Variants in PHACTR2 observed in about 807,000 individuals in gnomAD.
PHACTR2 encodes phosphatase and actin regulator 2, also known as chromosome 6 open reading frame 56.
A neutral mutation model predicts 76.0 loss-of-function variants in PHACTR2; 30 were observed. That is an observed-to-expected ratio of 0.39 (90% CI 0.30 to 0.54). The LOEUF is 0.54. PHACTR2 is among the 20% of genes least tolerant of loss of function. PHACTR2 has a pLI of 0.61. For synonymous variants in PHACTR2, 292 were observed against 292.5 expected (o/e 1.00, Z 0.02); for missense variants, 696 against 781.1 (o/e 0.89, Z 1.30).
chr6:143,690,409 CT>C (rs34258120), intron 1 of PHACTR2, among the ~76,000 whole-genome samples: 5 of 151,174 alleles, frequency 3.3e-5, no homozygotes, highest in African/African-American at 7.3e-5. Context: ...CCCATGCCCC[CT>C]TTTTTTTTCT....
At chr6:143,575,363 T>C (rs1775493875) in intron 1 of PHACTR2, among the ~76,000 whole-genome samples, 1 of 152,260 alleles carries the variant, frequency 6.6e-6, no homozygotes, top group African/African-American at 2.4e-5. Flanking sequence ...AAGCACCATG[T>C]CTTAATTTTC....
At chr6:143,642,340 G>C (rs1776580185) in intron 1 of PHACTR2, among the ~76,000 whole-genome samples, 1 of 152,376 alleles carries the variant, frequency 6.6e-6, no homozygotes, top group East Asian at 1.9e-4. Context: ...CCTAAAAAAT[G>C]TGATCTGTTG....
chr6:143,634,011 G>A (rs1184276631), intron 1 of PHACTR2, among the ~76,000 whole-genome samples: 1 of 152,112 alleles, frequency 6.6e-6, no homozygotes, highest in African/African-American at 2.4e-5. Context: ...CAAAATACTA[G>A]TCAGTGCAGG....
rs891581701 is a variant in PHACTR2, at chr6:143,598,448, G to A, written c.217+61241G>A. On this transcript the variant is annotated intron_variant, in intron 1 of 11. Coordinates refer to the PHACTR2 transcript ENST00000367584. The surrounding 1 kb of genome is among the most constrained non-coding windows in gnomAD (Gnocchi z 4.1). The stretch of plus-strand genomic sequence containing the variant: ...AGCCCTACAAGATAAGACTAATTTT[G>A]GATTTCTGACCCAGAACCATCAGAG... Among the ~76,000 whole-genome samples the A allele has an allele frequency of 3.9e-5, 6 of 152,108 alleles. No homozygotes were observed. Among genetic ancestry groups the A allele is most frequent in the Admixed American group, 3.9e-4 (6 of 15,268 alleles).
At position 143,592,880 on chromosome 6, in the gene PHACTR2, C is replaced by G. The variant is rs964403213; in HGVS notation, c.217+55673C>G. Among the ~76,000 whole-genome samples the G allele has an allele frequency of 6.6e-6, 1 of 151,508 alleles. No homozygotes were observed. Among genetic ancestry groups the G allele is most frequent in the African/African-American group, 2.4e-5 (1 of 41,190 alleles). ...GCTGCAAAATGGCGAAACCCTGTCT[C>G]TACAAAAAATAAAAAAAAATAGCCG... On this transcript the variant is annotated intron_variant, in intron 1 of 11. Transcript: ENST00000367584. The surrounding 1 kb of genome is among the most constrained non-coding windows in gnomAD (Gnocchi z 4.0).
rs1015857107 is a variant in PHACTR2, at chr6:143,672,912, A to T, written c.14-39104A>T. On this transcript the variant is annotated intron_variant, in intron 1 of 11. Transcript: ENST00000305766. The surrounding 1 kb of genome is among the most constrained non-coding windows in gnomAD (Gnocchi z 5.8). ...GCTAATTTTTGTATTTTTAGTAGAG[A>T]CAGGGTTTCACCATGTTGGCCAGGC... Among the ~76,000 whole-genome samples the T allele has an allele frequency of 7.2e-5, 11 of 152,142 alleles. No homozygotes were observed. Among genetic ancestry groups the T allele is most frequent in the African/African-American group, 2.7e-4 (11 of 41,506 alleles).
intron 1 of PHACTR2, among the ~76,000 whole-genome samples, chr6:143,645,184 G>T (rs908042497): frequency 2.6e-5 from 4 of 152,144 alleles, no homozygotes; most frequent in South Asian, 4.1e-4. Flanking sequence ...ATACAAAAAA[G>T]ATACTTGCAC....
rs1434527651 is a variant in PHACTR2, at chr6:143,663,898, C to T, written c.14-48118C>T. On this transcript the variant is annotated intron_variant, in intron 1 of 11. Coordinates refer to the PHACTR2 transcript ENST00000305766. This position sits in a 1 kb window ranked among gnomAD's most constrained non-coding sequence, Gnocchi z 4.1. ...ATTTTCTTGAGTACAAGTCTCTACACGTTTGTGTATTACATCAAGCTTGTC... is the reference window on the plus strand; with the variant it reads ...ATTTTCTTGAGTACAAGTCTCTACATGTTTGTGTATTACATCAAGCTTGTC... Among the ~76,000 whole-genome samples the T allele has an allele frequency of 2.6e-5, 4 of 151,952 alleles. No homozygotes were observed. Among genetic ancestry groups the T allele is most frequent in the Admixed American group, 6.6e-5 (1 of 15,238 alleles).
At chr6:143,555,638 T>G (rs1257302229) in intron 1 of PHACTR2, among the ~76,000 whole-genome samples, 1 of 152,226 alleles carries the variant, frequency 6.6e-6, no homozygotes, top group Admixed American at 6.5e-5. Context: ...TTTGCCTTCC[T>G]AAATGTCTGG....
Position 143,559,141 on chromosome 6 carries a change from G to A in PHACTR2, c.217+21934G>A, listed in dbSNP as rs115896574. ...TGGAATGAGATCAAGGCTTTCCCCTGCTATAATATATAGATGACTCTTCCA... is the reference window on the plus strand; with the variant it reads ...TGGAATGAGATCAAGGCTTTCCCCTACTATAATATATAGATGACTCTTCCA... On this transcript the variant is annotated intron_variant, in intron 1 of 11. Coordinates refer to the PHACTR2 transcript ENST00000367584. 9.4e-3 allele frequency among the ~76,000 whole-genome samples: 1,432 copies of A among 152,296 alleles called. 30 individuals carry two copies. Among genetic ancestry groups the A allele is most frequent in the African/African-American group, 0.033 (1,370 of 41,560 alleles).
chr6:143,794,720 G>A lies in PHACTR2; in HGVS notation c.1845+5810G>A, dbSNP rs1388026737. On this transcript the variant is annotated intron_variant, in intron 11 of 12. Transcript: ENST00000440869. The surrounding 1 kb of genome is among the most constrained non-coding windows in gnomAD (Gnocchi z 4.1). ...GAAGCAGGAGAATCACTTGAACCCA[G>A]GAGACAGAAGTTGCAGTGAGCTAAG... 6.6e-6 allele frequency among the ~76,000 whole-genome samples: 1 copy of A among 152,142 alleles called. No individual in the cohort carries two copies. Among genetic ancestry groups the A allele is most frequent in the Non-Finnish European group, 1.5e-5 (1 of 68,016 alleles).
At chr6:143,665,300 T>C (rs1582749390) in intron 1 of PHACTR2, among the ~76,000 whole-genome samples, 1 of 152,338 alleles carries the variant, frequency 6.6e-6, no homozygotes, top group East Asian at 1.9e-4. Flanking sequence ...GGATTTGCCT[T>C]TTCTGTCTCC....
At chr6:143,719,957 A>G (rs979494656) in intron 2 of PHACTR2, among the ~76,000 whole-genome samples, 3 of 151,644 alleles carry the variant, frequency 2.0e-5, no homozygotes, top group African/African-American at 4.8e-5. Context: ...GATTATAGGC[A>G]TGCACCACCA....
rs1054766608 is a variant in PHACTR2, at chr6:143,777,917, T to C, written c.1645+534T>C. Among the ~76,000 whole-genome samples, 12 of 152,350 alleles carry C rather than the reference T, an allele frequency of 7.9e-5. No individual in the cohort carries two copies. The highest frequency in any genetic ancestry group is 2.9e-4 in the African/African-American group (12 of 41,586). ...TTTCTCAGCACTAAAACGTTCTCCA[T>C]TCATTTTCCTACTTTATTTTCCCAT... On this transcript the variant is annotated intron_variant, in intron 9 of 12. Coordinates refer to ENST00000440869, the MANE Select transcript of PHACTR2 (RefSeq NM_001100164.2). This position sits in a 1 kb window ranked among gnomAD's most constrained non-coding sequence, Gnocchi z 4.6.
chr6:143,748,694 G>A (rs1779121616), intron 2 of PHACTR2, among the ~76,000 whole-genome samples: 1 of 152,216 alleles, frequency 6.6e-6, no homozygotes, highest in Admixed American at 6.5e-5. Flanking sequence ...GTGAGAAGCA[G>A]GCTTTATGCT....
Position 143,596,025 on chromosome 6 carries a change from A to G in PHACTR2, c.217+58818A>G, listed in dbSNP as rs1015592372. Among the ~76,000 whole-genome samples the G allele has an allele frequency of 1.3e-5, 2 of 152,226 alleles. No individual in the cohort carries two copies. Among genetic ancestry groups the G allele is most frequent in the Admixed American group, 1.3e-4 (2 of 15,278 alleles). ...GACTCTTAAAATAGTACTTTAAAGA[A>G]TAAAAGAACACTTGAGAATGATTCA... On this transcript the variant is annotated intron_variant, in intron 1 of 11. Transcript: ENST00000367584. This position sits in a 1 kb window ranked among gnomAD's most constrained non-coding sequence, Gnocchi z 4.6.
chr6:143,587,793 C>A (rs966310986), intron 1 of PHACTR2, among the ~76,000 whole-genome samples: 1 of 151,974 alleles, frequency 6.6e-6, no homozygotes, highest in Non-Finnish European at 1.5e-5. Flanking sequence ...GCGGGCGGAT[C>A]ACCTGTGGTC....
upstream of PHACTR2, among the ~76,000 whole-genome samples, chr6:143,675,213 C>T (rs905674184): frequency 6.6e-6 from 1 of 152,138 alleles, no homozygotes; most frequent in African/African-American, 2.4e-5. This position sits in a 1 kb window ranked among gnomAD's most constrained non-coding sequence, Gnocchi z 4.9. Flanking sequence ...GAATAAATCA[C>T]AGTAGTTCTT....
Position 143,765,134 on chromosome 6 carries a change from C to T in PHACTR2, c.695-127C>T. On this transcript the variant is annotated intron_variant, in intron 5 of 12. Coordinates refer to ENST00000440869, the MANE Select transcript of PHACTR2 (RefSeq NM_001100164.2). This position sits in a 1 kb window ranked among gnomAD's most constrained non-coding sequence, Gnocchi z 4.1. ...TATTATCATGATTAGCCTATTTTCT[C>T]TTATACATTTATTCAACAAACTTTA... The T allele has an allele frequency of 1.4e-6, 1 of 735,290 alleles. No homozygotes were observed. The highest frequency in any genetic ancestry group is 2.2e-6 in the Non-Finnish European group (1 of 448,786). The allele number at this position is 735,290 out of a possible 1,614,324, so 45.5% of individuals were successfully genotyped here. A position where few individuals can be genotyped will look rare whatever the true frequency, so the allele number is the denominator to read the frequency against.
Sources: gnomAD v4.1 joint callset for allele counts (sites outside exome capture counted in the v4.1 genomes callset) on GRCh38, gnomAD v4.1.1 for gene constraint, Gnocchi (gnomAD v3.1) non-coding constraint, MANE v1.5 for transcripts, NCBI Gene and HGNC (gene_info 2026-07-23, HGNC 2026-07-21) for gene names.